The following OSBPL5 variants were observed in gnomAD, a reference collection of about 807,000 sequenced individuals.
OSBPL5 encodes oxysterol-binding protein-related protein 5.
Under a neutral mutation model 111.2 loss-of-function variants are expected in OSBPL5, and 71 were observed. That is an observed-to-expected ratio of 0.64 (90% CI 0.53 to 0.78). The LOEUF is 0.78. OSBPL5 is among the 30% of genes least tolerant of loss of function. The pLI, the probability that OSBPL5 is intolerant of heterozygous loss-of-function variation, is 0.00. For missense variants in OSBPL5, 1,210 were observed against 1,189.3 expected, an observed-to-expected ratio of 1.02 and a Z score of -0.26; for synonymous variants, 549 against 513.9, an observed-to-expected ratio of 1.07 and a Z score of -0.93.
intron 2 of OSBPL5, among the ~76,000 whole-genome samples, chr11:3,127,607 C>T (rs115843184): frequency 3.3e-5 from 5 of 152,156 alleles, no homozygotes; most frequent in Non-Finnish European, 5.9e-5. Context: ...GCCCCTGACC[C>T]GGAGTGCTGG....
chr11:3,104,641 G>T lies in OSBPL5; in HGVS notation c.1060-264C>A, dbSNP rs905433642. 1.2e-4 allele frequency among the ~76,000 whole-genome samples: 19 copies of T among 152,120 alleles called. No homozygotes were observed. The highest frequency in any genetic ancestry group is 2.6e-4 in the Admixed American group (4 of 15,276). Reference sequence around the variant, plus strand: ...TCTGCTCCTTGCCCAGGGACCCCATGCCCTGCCCTCCTCAAAGTCCAGGGT... The same window carrying T: ...TCTGCTCCTTGCCCAGGGACCCCATTCCCTGCCCTCCTCAAAGTCCAGGGT... On this transcript the variant is annotated intron_variant, in intron 9 of 21. Coordinates refer to ENST00000263650, the MANE Select transcript of OSBPL5 (RefSeq NM_020896.4). The surrounding 1 kb of genome is among the most constrained non-coding windows in gnomAD (Gnocchi z 5.0).
At chr11:3,112,484 T>TC (rs1858036307) in intron 7 of OSBPL5, among the ~76,000 whole-genome samples, 1 of 150,654 alleles carries the variant, frequency 6.6e-6, no homozygotes, top group Admixed American at 6.6e-5. Flanking sequence ...TTTTCTTTTT[T>TC]TTTTTTTTTT....
rs1564830224 is a variant in OSBPL5 at position 3,103,794 on chromosome 11, GCC to G, written c.1244+397_1244+398del. 4.2e-3 allele frequency among the ~76,000 whole-genome samples: 141 copies of G among 33,812 alleles called. 2 individuals carry two copies. The highest frequency in any genetic ancestry group is 6.4e-3 in the Non-Finnish European group (73 of 11,464). 22.2% of individuals were successfully genotyped at this position (33,812 alleles called of 152,430 possible). On this transcript the variant is annotated intron_variant, in intron 10 of 21. Transcript: ENST00000263650. ...CTTCCAGCCTCTGCAGTCCCTTCCT[GCC>G]TCTGCAGCCCTCTTCCTGCCTGCGC...
intron 1 of OSBPL5, among the ~76,000 whole-genome samples, chr11:3,157,506 A>G (rs2134559528): frequency 6.6e-6 from 1 of 152,310 alleles, no homozygotes; most frequent in East Asian, 1.9e-4. Context: ...AGGCCTGGGA[A>G]GGGCCTGTGC....
At position 3,121,305 on chromosome 11, in the gene OSBPL5, G is replaced by A. The variant is rs1858408201; in HGVS notation, c.403-681C>T. On this transcript the variant is annotated intron_variant, in intron 5 of 21. Transcript: ENST00000263650. This position sits in a 1 kb window ranked among gnomAD's most constrained non-coding sequence, Gnocchi z 4.3. ...ACTCCTGACCTCAGGTGATCCACCC[G>A]CCTTAGCCTCCCAAAGTGTTGGGAT... Among the ~76,000 whole-genome samples, 2 of 152,062 alleles carry A rather than the reference G, an allele frequency of 1.3e-5. No individual in the cohort carries two copies. Among genetic ancestry groups the A allele is most frequent in the African/African-American group, 4.8e-5 (2 of 41,394 alleles).
chr11:3,150,638 C>T (rs1358985570), intron 1 of OSBPL5, among the ~76,000 whole-genome samples: 1 of 152,180 alleles, frequency 6.6e-6, no homozygotes. Context: ...CTGGGGGGAG[C>T]AGAACTCTTC....
intron 1 of OSBPL5, among the ~76,000 whole-genome samples, chr11:3,156,554 G>A (rs914377975): frequency 5.9e-5 from 9 of 152,034 alleles, no homozygotes; most frequent in African/African-American, 2.2e-4. Flanking sequence ...AAAGAATCGA[G>A]CTCTGGGGCC....
rs1858085932 is a variant in OSBPL5 at position 3,113,556 on chromosome 11, G to T, written c.692-5611C>A. Among the ~76,000 whole-genome samples the T allele has an allele frequency of 6.6e-6, 1 of 152,032 alleles. No homozygotes were observed. The highest frequency in any genetic ancestry group is 6.6e-5 in the Admixed American group (1 of 15,260). On this transcript the variant is annotated intron_variant, in intron 7 of 21. Coordinates refer to ENST00000263650, the MANE Select transcript of OSBPL5 (RefSeq NM_020896.4). The surrounding 1 kb of genome is among the most constrained non-coding windows in gnomAD (Gnocchi z 4.8). ...TGTAATCCCAGCTACTCGTGAGGCT[G>T]AGGCAGGAGAATTGCTTGACCTGGG...
At chr11:3,116,031 C>T (rs959874828) in intron 7 of OSBPL5, among the ~76,000 whole-genome samples, 1 of 151,946 alleles carries the variant, frequency 6.6e-6, no homozygotes, top group Non-Finnish European at 1.5e-5. Flanking sequence ...TTTTTCTAAC[C>T]TAATCCTTGA....
intron 19 of OSBPL5, among the ~76,000 whole-genome samples, chr11:3,091,294 G>A (rs1006715833): frequency 6.6e-6 from 1 of 152,256 alleles, no homozygotes; most frequent in Non-Finnish European, 1.5e-5. Context: ...CTGGCTGTGG[G>A]ACCACCATGT....
chr11:3,103,214 C>A (rs200110271), intron 11 of OSBPL5, 25 bp downstream of exon 11: 1 of 1,577,860 alleles, frequency 6.3e-7, no homozygotes. Context: ...CGGAGCCCCA[C>A]CCTCCCTGGC....
chr11:3,109,380 A>T lies in OSBPL5; in HGVS notation c.692-1435T>A, dbSNP rs1316368824. Among the ~76,000 whole-genome samples, 1 of 152,040 alleles carries T rather than the reference A, an allele frequency of 6.6e-6. No homozygotes were observed. The highest frequency in any genetic ancestry group is 1.5e-5 in the Non-Finnish European group (1 of 67,962). On this transcript the variant is annotated intron_variant, in intron 7 of 21. Transcript: ENST00000263650. The surrounding 1 kb of genome is among the most constrained non-coding windows in gnomAD (Gnocchi z 7.4). ...TGTGAGCCACTGTGCCTGGGCTGTT[A>T]GTAAGTGTTATTCAAAGAAAGCCTC...
In OSBPL5 at chr11:3,088,201, G is replaced by C; in HGVS notation, c.*4C>G. ...ACCGGCCAGGAGCTCTGCCCTCAGG[G>C]CTCCTATTTGAGGATGTGGTTAATG... On this transcript the variant is annotated 3_prime_UTR_variant, in exon 22 of 22. Transcript: ENST00000263650. 1 of 1,579,046 alleles carries C rather than the reference G, an allele frequency of 6.3e-7. No individual in the cohort carries two copies. Among genetic ancestry groups the C allele is most frequent in the Non-Finnish European group, 8.6e-7 (1 of 1,160,328 alleles).
chr11:3,122,774 C>T (rs559490022), intron 3 of OSBPL5, among the ~76,000 whole-genome samples: 14 of 152,272 alleles, frequency 9.2e-5, no homozygotes, highest in African/African-American at 3.4e-4. Context: ...CTGACTGAGC[C>T]CTGAGGGACA....
chr11:3,101,956 G>A (rs192558043), intron 12 of OSBPL5, among the ~76,000 whole-genome samples: 1 of 152,176 alleles, frequency 6.6e-6, no homozygotes, highest in Non-Finnish European at 1.5e-5. Flanking sequence ...CTCTCCCTAG[G>A]GAGACACTGT....
intron 7 of OSBPL5, among the ~76,000 whole-genome samples, chr11:3,111,522 ATTGT>A (rs933967738): frequency 6.6e-6 from 1 of 152,036 alleles, no homozygotes; most frequent in Non-Finnish European, 1.5e-5. Context: ...AAGTTGTGCG[ATTGT>A]TTGTTTCGCT....
At chr11:3,119,758 C>A (rs912778014) in intron 6 of OSBPL5, 127 bp from the exon 7 acceptor site, 4 of 797,330 alleles carry the variant, frequency 5.0e-6, no homozygotes, top group Admixed American at 7.2e-5. Flanking sequence ...ACAGGGCCAC[C>A]AGGTGGGGCC....
intron 1 of OSBPL5, among the ~76,000 whole-genome samples, chr11:3,147,084 C>A (rs1186867506): frequency 1.4e-5 from 2 of 142,918 alleles, no homozygotes. Context: ...CTGGGCTTCA[C>A]TTTTCCCCAA....
intron 1 of OSBPL5, among the ~76,000 whole-genome samples, chr11:3,150,036 A>T (rs1846523224): frequency 6.6e-6 from 1 of 152,182 alleles, no homozygotes; most frequent in African/African-American, 2.4e-5. Context: ...ACAGATGTGC[A>T]TGCACACACA....
Sources: allele counts gnomAD v4.1 joint callset (sites outside exome capture counted in the v4.1 genomes callset), GRCh38; gene constraint gnomAD v4.1.1; non-coding constraint Gnocchi (gnomAD v3.1); transcripts MANE v1.5; gene names NCBI Gene and HGNC (gene_info 2026-07-23, HGNC 2026-07-21).